ODAD2: variants seen among roughly 807,000 people sequenced by gnomAD.
ODAD2 encodes the protein outer dynein arm-docking complex subunit 2.
ODAD2 carries 89 observed loss-of-function variants against 106.8 expected under a neutral mutation model. The ratio of observed to expected loss-of-function variants is 0.83; its 90% CI spans 0.70 to 0.99. The LOEUF (loss-of-function observed/expected upper bound fraction) is 0.99. ODAD2 is among the 50% of genes least tolerant of loss of function. The pLI, the probability that ODAD2 is intolerant of heterozygous loss-of-function variation, is 0.00. For missense variants in ODAD2, 1,168 were observed against 1,238.5 expected, an observed-to-expected ratio of 0.94 and a Z score of 0.85; for synonymous variants, 404 against 436.2, an observed-to-expected ratio of 0.93 and a Z score of 0.92.
At chr10:27,904,793 G>T (rs1843465719) in intron 17 of ODAD2, among the ~76,000 whole-genome samples, 1 of 152,194 alleles carries the variant, frequency 6.6e-6, no homozygotes, top group African/African-American at 2.4e-5. Context: ...AAGCTTGTTG[G>T]CATTTTTATG....
At chr10:27,833,640 T>A (rs1286726260) in intron 19 of ODAD2, among the ~76,000 whole-genome samples, 3 of 152,174 alleles carry the variant, frequency 2.0e-5, no homozygotes, top group African/African-American at 7.2e-5. Flanking sequence ...GGACAAAAAA[T>A]TGGGGAAAAT....
intron 9 of ODAD2, among the ~76,000 whole-genome samples, chr10:27,965,534 T>C (rs1848437048): frequency 6.6e-6 from 1 of 151,528 alleles, no homozygotes; most frequent in Non-Finnish European, 1.5e-5. Context: ...CGGAGGAGAG[T>C]CCAGGAGGAG....
intron 19 of ODAD2, among the ~76,000 whole-genome samples, chr10:27,829,292 A>G (rs186533277): frequency 6.6e-6 from 1 of 152,316 alleles, no homozygotes; most frequent in East Asian, 1.9e-4. Flanking sequence ...TCGGAACTAA[A>G]CTCATAAAGA....
At chr10:27,943,716 A>AC (rs1490908091) in intron 12 of ODAD2, among the ~76,000 whole-genome samples, 2 of 135,568 alleles carry the variant, frequency 1.5e-5, no homozygotes, top group Non-Finnish European at 3.1e-5. Context: ...GAACGCTTGA[A>AC]CCCCGTAGGC....
chr10:27,824,341 T>A (rs983538038), intron 19 of ODAD2, among the ~76,000 whole-genome samples: 6 of 152,146 alleles, frequency 3.9e-5, no homozygotes, highest in African/African-American at 7.2e-5. Flanking sequence ...GAATAAGACC[T>A]GAGGGCTCTG....
In ODAD2 at chr10:27,944,934, G is replaced by A. The variant is rs756783412; in HGVS notation, c.1415C>T (p.Ala472Val). The change falls in exon 11 of 20, where the codon GCG (alanine) becomes GTG (valine). Residue 472 changes from alanine to valine, a missense_variant. This residue lies in a region of ODAD2 where 37 missense variants were observed against 74.1 expected (regional missense o/e 0.50). Coordinates refer to ENST00000305242, the MANE Select transcript of ODAD2 (RefSeq NM_018076.5). ...GCTGAAATCCCTCATTGAACACAACGCAATCACTGTAGCTGTTTGATTTCC... is the reference window on the plus strand; with the variant it reads ...GCTGAAATCCCTCATTGAACACAACACAATCACTGTAGCTGTTTGATTTCC... ...KGGNQTATVIALCSMRDFSLA... is the reference protein window; with the variant it reads ...KGGNQTATVIVLCSMRDFSLA... 1.8e-5 allele frequency: 29 copies of A among 1,614,112 alleles called. No homozygotes were observed. Among genetic ancestry groups the A allele is most frequent in the East Asian group, 2.2e-5 (1 of 44,874 alleles).
At chr10:27,956,700 A>T (rs1847760160) in intron 10 of ODAD2, among the ~76,000 whole-genome samples, 1 of 152,216 alleles carries the variant, frequency 6.6e-6, no homozygotes, top group Non-Finnish European at 1.5e-5. Context: ...TTTACTGCCT[A>T]TAGGGTTAAA....
chr10:27,832,588 A>G (rs1358651645), intron 19 of ODAD2, among the ~76,000 whole-genome samples: 3 of 152,264 alleles, frequency 2.0e-5, no homozygotes, highest in African/African-American at 7.2e-5. Flanking sequence ...GAACTTTGTC[A>G]AAAACATCCT....
intron 19 of ODAD2, among the ~76,000 whole-genome samples, chr10:27,839,644 A>C (rs1424157457): frequency 3.3e-5 from 5 of 152,216 alleles, no homozygotes; most frequent in African/African-American, 1.2e-4. Context: ...TATTAGCTTC[A>C]TGTGAGCGCC....
intron 19 of ODAD2, among the ~76,000 whole-genome samples, chr10:27,815,222 AG>A (rs1376210829): frequency 6.6e-6 from 1 of 152,206 alleles, no homozygotes; most frequent in Non-Finnish European, 1.5e-5. Context: ...TCTTCTTCTT[AG>A]GACATTTTAC....
Position 27,860,717 on chromosome 10 carries a change from T to A in ODAD2, c.2929A>T (p.Thr977Ser), listed in dbSNP as rs559118381. Residue 977 changes from threonine (T) to serine (S), a missense_variant, in exon 19 of 20, where the codon ACC (threonine) becomes TCC (serine). By Grantham distance (58) the Thr-to-Ser change is moderately conservative. This residue lies in a region of ODAD2 where 701 missense variants were observed against 712.3 expected (regional missense o/e 0.98). Transcript: ENST00000305242. ...PLVRYLKSND[T>S]NVHRATAQAL... The stretch of plus-strand genomic sequence containing the variant: ...TGAGCTGTCGCCCGATGCACGTTGG[T>A]GTCATTTGATTTCAGATAACGCACT... 5.0e-6 allele frequency: 8 copies of A among 1,614,170 alleles called. No individual in the cohort carries two copies. In the African/African-American group the frequency reaches 1.1e-4, roughly 22 times the overall value.
chr10:27,824,924 C>T (rs990335874), intron 19 of ODAD2, among the ~76,000 whole-genome samples: 5 of 152,156 alleles, frequency 3.3e-5, no homozygotes, highest in Admixed American at 3.3e-4. Flanking sequence ...TTTTAAGTCT[C>T]CAGCCCTGAC....
chr10:27,940,354 G>A (rs1360206996), intron 13 of ODAD2, among the ~76,000 whole-genome samples: 2 of 151,996 alleles, frequency 1.3e-5, no homozygotes, highest in African/African-American at 4.8e-5. Flanking sequence ...CAGTATATAT[G>A]TGTGAGATAT....
At chr10:27,834,092 C>G (rs1400389712) in intron 19 of ODAD2, among the ~76,000 whole-genome samples, 1 of 152,204 alleles carries the variant, frequency 6.6e-6, no homozygotes, top group Admixed American at 6.5e-5. Context: ...GTGTCACTGA[C>G]AACCCACCAA....
At chr10:27,868,919 T>G (rs1840654404) in intron 17 of ODAD2, among the ~76,000 whole-genome samples, 1 of 151,918 alleles carries the variant, frequency 6.6e-6, no homozygotes, top group South Asian at 2.1e-4. Context: ...AAAATCATGC[T>G]CTTACGATGA....
intron 6 of ODAD2, 152 bp from the exon 7 acceptor site, chr10:27,981,734 T>C: frequency 3.7e-6 from 2 of 540,450 alleles, no homozygotes; most frequent in Non-Finnish European, 3.2e-6. Flanking sequence ...GCAAAATCCT[T>C]CCCCCTTAAT....
chr10:27,955,076 A>G (rs1162442385), intron 10 of ODAD2, among the ~76,000 whole-genome samples: 1 of 152,222 alleles, frequency 6.6e-6, no homozygotes, highest in Non-Finnish European at 1.5e-5. Context: ...CAATGTAGCA[A>G]CACATCTACT....
At chr10:27,814,518 C>T (rs1049063604) in intron 19 of ODAD2, among the ~76,000 whole-genome samples, 5 of 152,224 alleles carry the variant, frequency 3.3e-5, no homozygotes, top group African/African-American at 1.2e-4. Context: ...AGCCTTCCAC[C>T]TTCAGAGTTA....
chr10:27,989,756 G>A (rs1217700827), intron 2 of ODAD2, among the ~76,000 whole-genome samples: 1 of 152,182 alleles, frequency 6.6e-6, no homozygotes, highest in African/African-American at 2.4e-5. Context: ...GCTGAGGTGG[G>A]AGGATCACTT....
Sources: gnomAD v4.1 joint callset for allele counts (sites outside exome capture counted in the v4.1 genomes callset) on GRCh38, gnomAD v4.1.1 for gene constraint, gnomAD v4.1.1 regional missense constraint, MANE v1.5 for transcripts, NCBI Gene and HGNC (gene_info 2026-07-23, HGNC 2026-07-21) for gene names.